Variants in CSMD1 observed in about 807,000 individuals in gnomAD.
The protein encoded by CSMD1 is CUB and sushi domain-containing protein 1.
A neutral mutation model predicts 417.5 loss-of-function variants in CSMD1; 213 were observed. That is an observed-to-expected ratio of 0.51 (90% confidence interval 0.46 to 0.57). The LOEUF (loss-of-function observed/expected upper bound fraction) is 0.57. CSMD1 is among the 20% of genes least tolerant of loss of function. The pLI, the probability that CSMD1 is intolerant of heterozygous loss-of-function variation, is 0.00. For synonymous variants in CSMD1, 2,862 were observed against 1,736.8 expected (o/e 1.65, Z -16.11); for missense variants, 6,923 against 4,529.7 (o/e 1.53, Z -15.17).
chr8:3,297,485 T>C (rs926222907), intron 25 of CSMD1, among the ~76,000 whole-genome samples: 2 of 152,102 alleles, frequency 1.3e-5, no homozygotes, highest in African/African-American at 4.8e-5. Flanking sequence ...ATAAATGAAA[T>C]GGAATACAGT....
At chr8:3,262,039 G>C (rs184137856) in intron 26 of CSMD1, among the ~76,000 whole-genome samples, 7 of 151,740 alleles carry the variant, frequency 4.6e-5, no homozygotes, top group Admixed American at 3.9e-4. Context: ...TTTATTTGTT[G>C]CCACTCTAAG....
intron 1 of CSMD1, among the ~76,000 whole-genome samples, chr8:4,900,951 A>C (rs1804830357): frequency 6.6e-6 from 1 of 152,240 alleles, no homozygotes; most frequent in Non-Finnish European, 1.5e-5. Context: ...CAGTGCGGCC[A>C]CATGGCAAGT....
intron 2 of CSMD1, among the ~76,000 whole-genome samples, chr8:4,531,435 G>C (rs188037658): frequency 6.8e-4 from 103 of 152,268 alleles, no homozygotes; most frequent in Non-Finnish European, 8.4e-4. Flanking sequence ...ATTGCTTTCG[G>C]TGAGTAATTT....
chr8:4,693,647 C>T (rs1806922641), intron 1 of CSMD1, among the ~76,000 whole-genome samples: 1 of 152,090 alleles, frequency 6.6e-6, no homozygotes, highest in Non-Finnish European at 1.5e-5. Context: ...GGTGATCTTT[C>T]ATTTTAGTAT....
rs561130677 is a variant in CSMD1, at chr8:4,124,524, C to G, written c.416-92425G>C. ...GCCCCTTGAGTGTGTCTTCAAGTATCAAAGCCCTGAGAACTTACAGAAGCT... is the reference window on the plus strand; with the variant it reads ...GCCCCTTGAGTGTGTCTTCAAGTATGAAAGCCCTGAGAACTTACAGAAGCT... On this transcript the variant is annotated intron_variant, in intron 3 of 69. Coordinates refer to ENST00000635120, the MANE Select transcript of CSMD1 (RefSeq NM_033225.6). Among the ~76,000 whole-genome samples the G allele has an allele frequency of 5.5e-4, 83 of 152,242 alleles. 1 individual carries two copies. The Middle Eastern group carries it at 0.017, about 31-fold the overall frequency.
intron 5 of CSMD1, among the ~76,000 whole-genome samples, chr8:3,852,416 C>G (rs1379372465): frequency 1.3e-5 from 2 of 152,138 alleles, no homozygotes; most frequent in East Asian, 3.9e-4. Flanking sequence ...ACCACACTCC[C>G]CTGTGCTGCT....
chr8:4,709,118 C>A (rs1808131265), intron 1 of CSMD1, among the ~76,000 whole-genome samples: 3 of 152,176 alleles, frequency 2.0e-5, no homozygotes, highest in South Asian at 2.1e-4. Context: ...GAAAAAATGT[C>A]TTACTCTAAT....
At chr8:3,317,669 C>G (rs1301954848) in intron 23 of CSMD1, among the ~76,000 whole-genome samples, 1 of 152,184 alleles carries the variant, frequency 6.6e-6, no homozygotes, top group African/African-American at 2.4e-5. Context: ...CTACAGTTAT[C>G]TGGTTAATAC....
intron 5 of CSMD1, among the ~76,000 whole-genome samples, chr8:3,905,822 T>C (rs1421265234): frequency 6.6e-6 from 1 of 152,182 alleles, no homozygotes; most frequent in Non-Finnish European, 1.5e-5. Context: ...AGTCCAAACA[T>C]CTGGGCCTGG....
chr8:3,474,199 T>A (rs4875721), intron 11 of CSMD1, among the ~76,000 whole-genome samples: 3 of 151,994 alleles, frequency 2.0e-5, no homozygotes, highest in African/African-American at 7.3e-5. Context: ...GCATGTGAGG[T>A]TTATTGGCAT....
intron 1 of CSMD1, among the ~76,000 whole-genome samples, chr8:4,955,061 G>A (rs540962991): frequency 3.3e-5 from 5 of 152,108 alleles, no homozygotes; most frequent in African/African-American, 1.2e-4. Flanking sequence ...TATGTCAGTG[G>A]CTCTCAAAAT....
chr8:4,390,823 G>A (rs186173055), intron 3 of CSMD1, among the ~76,000 whole-genome samples: 134 of 152,152 alleles, frequency 8.8e-4, no homozygotes, highest in African/African-American at 3.1e-3. Context: ...TTACAGACAT[G>A]AGCCACCATG....
intron 3 of CSMD1, among the ~76,000 whole-genome samples, chr8:4,058,727 A>C (rs199889592): frequency 7.3e-6 from 1 of 136,184 alleles, no homozygotes. Context: ...GGATCAATTC[A>C]ACAAGAAGAG....
chr8:3,161,238 A>G (rs1348618399), intron 38 of CSMD1, among the ~76,000 whole-genome samples: 1 of 152,192 alleles, frequency 6.6e-6, no homozygotes, highest in Non-Finnish European at 1.5e-5. Context: ...TGGTTAAACT[A>G]GAAAATATTA....
chr8:3,575,203 A>C, intron 9 of CSMD1, 137 bp from the exon 10 acceptor site: 1 of 914,628 alleles, frequency 1.1e-6, no homozygotes, highest in Non-Finnish European at 1.6e-6. Context: ...CATGGACTCC[A>C]ACTGGGGCAT....
chr8:4,429,261 C>T (rs1179724073), intron 2 of CSMD1, among the ~76,000 whole-genome samples: 4 of 151,932 alleles, frequency 2.6e-5, no homozygotes, highest in African/African-American at 4.8e-5. Context: ...TTCAACAGTC[C>T]TATCACTTCT....
At chr8:3,588,344 C>T (rs1455595464) in intron 8 of CSMD1, among the ~76,000 whole-genome samples, 2 of 151,992 alleles carry the variant, frequency 1.3e-5, no homozygotes, top group African/African-American at 2.4e-5. Context: ...CATAAAGCAC[C>T]ATGAAGAAAA....
chr8:4,941,459 C>A (rs1255136842), intron 1 of CSMD1, among the ~76,000 whole-genome samples: 3 of 152,100 alleles, frequency 2.0e-5, no homozygotes, highest in Non-Finnish European at 4.4e-5. Context: ...AACAAGTGTG[C>A]CACAATTTCA....
intron 5 of CSMD1, among the ~76,000 whole-genome samples, chr8:3,987,025 G>C (rs970724794): frequency 6.6e-6 from 1 of 152,146 alleles, no homozygotes; most frequent in African/African-American, 2.4e-5. Context: ...AAAGTGCTGG[G>C]ATTACAGACG....
Sources: allele counts gnomAD v4.1 joint callset (sites outside exome capture counted in the v4.1 genomes callset), GRCh38; gene constraint gnomAD v4.1.1; transcripts MANE v1.5; gene names NCBI Gene and HGNC (gene_info 2026-07-23, HGNC 2026-07-21).